AKAIN1: variants seen among roughly 807,000 people sequenced by gnomAD.
AKAIN1 encodes the protein A-kinase anchor inhibitor 1.
Under a neutral mutation model 3.7 loss-of-function variants are expected in AKAIN1, and 3 were observed. The observed-to-expected ratio is 0.82, with a 90% CI of 0.37 to 2.12. The LOEUF (loss-of-function observed/expected upper bound fraction) is 2.12, where lower values mean the gene tolerates loss of function less well. AKAIN1 is among the 30% of genes most tolerant of loss of function. The pLI, the probability that AKAIN1 is intolerant of heterozygous loss-of-function variation, is 0.06. For synonymous variants in AKAIN1, 31 were observed against 30.8 expected, an observed-to-expected ratio of 1.01 and a Z score of -0.02; for missense variants, 82 against 82.7, an observed-to-expected ratio of 0.99 and a Z score of 0.03.
chr18:5,166,272 A>AT (rs900008802), intron 1 of AKAIN1, among the ~76,000 whole-genome samples: 2 of 152,076 alleles, frequency 1.3e-5, no homozygotes, highest in African/African-American at 2.4e-5. Flanking sequence ...AGAGCAATGC[A>AT]TTTTTTTCTG....
At chr18:5,192,425 CTTT>C (rs2071325609) in intron 1 of AKAIN1, among the ~76,000 whole-genome samples, 1 of 118,594 alleles carries the variant, frequency 8.4e-6, no homozygotes, top group Non-Finnish European at 1.9e-5. Context: ...TTCTTTCTTT[CTTT>C]CTTTCTTTCT....
rs534230253 is a variant in AKAIN1 at position 5,161,788 on chromosome 18, T to C, written c.17-16033A>G. ...CTCACATCCACTGAGATAAACGTAT[T>C]ATTTAATCTCATTGAATTTATTAAT... On this transcript the variant is annotated intron_variant, in intron 1 of 1. Transcript: ENST00000434239. Among the ~76,000 whole-genome samples the C allele has an allele frequency of 2.1e-4, 32 of 152,308 alleles. No individual in the cohort carries two copies. In the South Asian group the frequency reaches 6.6e-3, roughly 32 times the overall value.
chr18:5,158,193 G>C (rs1031827118), intron 1 of AKAIN1, among the ~76,000 whole-genome samples: 3 of 152,192 alleles, frequency 2.0e-5, no homozygotes, highest in Non-Finnish European at 4.4e-5. Context: ...TCAATGAGTG[G>C]CTGTGAAAGT....
chr18:5,192,178 T>C (rs56028429), intron 1 of AKAIN1, among the ~76,000 whole-genome samples: 3,167 of 152,276 alleles, frequency 0.021, 48 homozygotes, highest in Admixed American at 0.03. Flanking sequence ...GACACACATA[T>C]AGATTAATTC....
In AKAIN1 at chr18:5,160,160, G is replaced by T. The variant is rs547201497; in HGVS notation, c.17-14405C>A. Among the ~76,000 whole-genome samples the T allele has an allele frequency of 2.4e-4, 36 of 152,242 alleles. 2 individuals are homozygous for T. Among genetic ancestry groups the T allele is most frequent in the Non-Finnish European group, 7.4e-5 (5 of 68,000 alleles). ...TAATAAGCATGCTCAAATTCGCTAA[G>T]TATTGCCAACCTGTTATCCAAAGGA... On this transcript the variant is annotated intron_variant, in intron 1 of 1. Transcript: ENST00000434239.
intron 1 of AKAIN1, among the ~76,000 whole-genome samples, chr18:5,162,233 A>G (rs910373285): frequency 6.6e-6 from 1 of 152,124 alleles, no homozygotes; most frequent in Admixed American, 6.6e-5. Flanking sequence ...AGCCAGAGCT[A>G]GGAAAGGTGG....
At chr18:5,191,167 G>A (rs894876591) in intron 1 of AKAIN1, among the ~76,000 whole-genome samples, 1 of 152,070 alleles carries the variant, frequency 6.6e-6, no homozygotes, top group Non-Finnish European at 1.5e-5. Flanking sequence ...TATTGTACTA[G>A]AAGCACTAGT....
intron 1 of AKAIN1, among the ~76,000 whole-genome samples, chr18:5,182,927 G>T (rs1016102850): frequency 6.6e-6 from 1 of 152,022 alleles, no homozygotes; most frequent in Non-Finnish European, 1.5e-5. Context: ...TGAAGAAAAG[G>T]TGCTGGACAT....
chr18:5,193,637 T>C (rs2071333523), intron 1 of AKAIN1, among the ~76,000 whole-genome samples: 1 of 152,224 alleles, frequency 6.6e-6, no homozygotes, highest in Non-Finnish European at 1.5e-5. Context: ...GGCCAAGAAA[T>C]ATCCTGACAT....
chr18:5,192,807 A>T (rs2071329339), intron 1 of AKAIN1, among the ~76,000 whole-genome samples: 1 of 151,982 alleles, frequency 6.6e-6, no homozygotes, highest in South Asian at 2.1e-4. Flanking sequence ...GGGAAGGGGG[A>T]ACGGTTTGAC....
At chr18:5,184,010 G>C (rs188667533) in intron 1 of AKAIN1, among the ~76,000 whole-genome samples, 48 of 152,132 alleles carry the variant, frequency 3.2e-4, no homozygotes, top group Middle Eastern at 6.8e-3. Context: ...ATTTTAAACA[G>C]TGAAATCACT....
chr18:5,192,758 G>A (rs1297352346), intron 1 of AKAIN1, among the ~76,000 whole-genome samples: 2 of 151,978 alleles, frequency 1.3e-5, no homozygotes, highest in African/African-American at 4.8e-5. Context: ...ATGGGGATAG[G>A]AAAGAGATCA....
At chr18:5,154,195 A>C (rs538407842) in intron 1 of AKAIN1, among the ~76,000 whole-genome samples, 7 of 152,218 alleles carry the variant, frequency 4.6e-5, no homozygotes, top group Admixed American at 3.9e-4. Flanking sequence ...TGAAGAAAAA[A>C]TTGGACAAAT....
At chr18:5,160,580 G>T (rs2071133730) in intron 1 of AKAIN1, among the ~76,000 whole-genome samples, 1 of 151,986 alleles carries the variant, frequency 6.6e-6, no homozygotes, top group Non-Finnish European at 1.5e-5. Flanking sequence ...TCAAATCTGG[G>T]TTTTTTTATT....
At chr18:5,187,731 A>T (rs979697201) in intron 1 of AKAIN1, among the ~76,000 whole-genome samples, 1 of 152,138 alleles carries the variant, frequency 6.6e-6, no homozygotes, top group African/African-American at 2.4e-5. Flanking sequence ...AAACTACCGG[A>T]TCCCACCCCT....
intron 1 of AKAIN1, among the ~76,000 whole-genome samples, chr18:5,162,625 CGTGTGTGTGTGTGTGTGTGTGTGT>C (rs150673471): frequency 6.9e-6 from 1 of 145,776 alleles, no homozygotes; most frequent in Admixed American, 6.9e-5. Flanking sequence ...CAATGTGATG[CGTGTGTGTGTGTGTGTGTGTGTGT>C]GTGTGTGTGT....
intron 1 of AKAIN1, among the ~76,000 whole-genome samples, chr18:5,160,735 G>A (rs186068939): frequency 2.0e-5 from 3 of 152,140 alleles, no homozygotes; most frequent in Non-Finnish European, 1.5e-5. Context: ...TTTGTGCATA[G>A]TGTGAGGTAA....
At chr18:5,175,433 C>T (rs2071220818) in intron 1 of AKAIN1, among the ~76,000 whole-genome samples, 1 of 152,114 alleles carries the variant, frequency 6.6e-6, no homozygotes, top group South Asian at 2.1e-4. Flanking sequence ...AACGAAGGGA[C>T]CCTATCATGT....
At chr18:5,184,680 A>G (rs891822988) in intron 1 of AKAIN1, among the ~76,000 whole-genome samples, 1 of 152,148 alleles carries the variant, frequency 6.6e-6, no homozygotes. Context: ...ACACTGCCCA[A>G]AGAAATCAGA....
Sources: allele counts gnomAD v4.1 joint callset (sites outside exome capture counted in the v4.1 genomes callset), GRCh38; gene constraint gnomAD v4.1.1; transcripts MANE v1.5; gene names NCBI Gene and HGNC (gene_info 2026-07-23, HGNC 2026-07-21).